The following PCDHA11 variants were observed in gnomAD, a reference collection of about 807,000 sequenced individuals.
PCDHA11 encodes the protein protocadherin alpha-11.
PCDHA11 carries 61 observed loss-of-function variants against 70.3 expected under a neutral mutation model. The observed-to-expected ratio is 0.87, with a 90% confidence interval of 0.71 to 1.07. PCDHA11 has a LOEUF of 1.07. PCDHA11 is among the 50% of genes least tolerant of loss of function. The pLI, the probability that PCDHA11 is intolerant of heterozygous loss-of-function variation, is 0.00. For synonymous variants in PCDHA11, 633 were observed against 555.1 expected, an observed-to-expected ratio of 1.14 and a Z score of -1.97; for missense variants, 1,324 against 1,237.5, an observed-to-expected ratio of 1.07 and a Z score of -1.05.
Position 140,871,436 on chromosome 5 carries a change from G to A in PCDHA11, c.2333G>A (p.Gly778Asp). 6.2e-7 allele frequency: 1 copy of A among 1,612,324 alleles called. No individual in the cohort carries two copies. The highest frequency in any genetic ancestry group is 2.2e-5 in the East Asian group (1 of 44,840). The change falls in exon 1 of 4, where the codon GGT becomes GAT. Residue 778 changes from glycine (G) to aspartate (D), a missense_variant. Transcript: ENST00000398640. Reference sequence around the variant, plus strand: ...GCCTTCAGCCCCAGTCTTCCTCTAGGTCTGAATAAAGAGGAGGAAGGGGAA... The same window carrying A: ...GCCTTCAGCCCCAGTCTTCCTCTAGATCTGAATAAAGAGGAGGAAGGGGAA... ...LMAFSPSLPLGLNKEEEGERQ... is the reference protein window; with the variant it reads ...LMAFSPSLPLDLNKEEEGERQ...
chr5:140,980,819 A>C (rs1178317133), intron 2 of PCDHA11, among the ~76,000 whole-genome samples: 1 of 152,216 alleles, frequency 6.6e-6, no homozygotes, highest in East Asian at 1.9e-4. Context: ...TGAACATATT[A>C]AATGAGTTGT....
intron 1 of PCDHA11, among the ~76,000 whole-genome samples, chr5:140,879,326 T>C (rs1554170752): frequency 6.6e-6 from 1 of 152,232 alleles, no homozygotes. Flanking sequence ...CTCACTTTTT[T>C]AGTTTGTTCA....
At chr5:140,896,572 T>C (rs1208639295) in intron 1 of PCDHA11, among the ~76,000 whole-genome samples, 5 of 152,002 alleles carry the variant, frequency 3.3e-5, no homozygotes, top group Admixed American at 3.3e-4. Context: ...AGATGGGGTT[T>C]TGACGTGTTG....
At chr5:140,954,692 C>T (rs1428031536) in intron 1 of PCDHA11, among the ~76,000 whole-genome samples, 10 of 151,966 alleles carry the variant, frequency 6.6e-5, no homozygotes, top group African/African-American at 2.4e-4. Flanking sequence ...GATGGATAGA[C>T]TACAAAATTT....
intron 1 of PCDHA11, chr5:140,877,691 T>G: frequency 6.2e-7 from 1 of 1,613,746 alleles, no homozygotes. Context: ...CCCACGCTGG[T>G]GTGCTCCAGC....
intron 1 of PCDHA11, among the ~76,000 whole-genome samples, chr5:140,970,970 T>C (rs1554232920): frequency 1.3e-5 from 2 of 152,170 alleles, no homozygotes; most frequent in African/African-American, 2.4e-5. Flanking sequence ...GATTGTAGAT[T>C]AAGAAAAATG....
In PCDHA11 at chr5:140,993,861, T is replaced by G. The variant is rs143253452; in HGVS notation, c.2539+11298T>G. 3.2e-4 allele frequency among the ~76,000 whole-genome samples: 49 copies of G among 152,356 alleles called. No homozygotes were observed. In the East Asian group the frequency reaches 9.4e-3, roughly 29 times the overall value. On this transcript the variant is annotated intron_variant, in intron 3 of 3. Transcript: ENST00000398640. ...TAGGTATGTAGTAGGCTATGCCATC[T>G]AGGTTTGTGTAAGTACGCTCTATGA... is the stretch of plus-strand genomic sequence containing the variant.
chr5:140,898,114 G>A (rs367767804), intron 1 of PCDHA11, among the ~76,000 whole-genome samples: 18 of 151,862 alleles, frequency 1.2e-4, no homozygotes, highest in Non-Finnish European at 2.4e-4. Context: ...AGTAGGTTGC[G>A]AAAATTTTCT....
At chr5:140,883,030 C>T (rs1554176556) in intron 1 of PCDHA11, 1 of 1,614,058 alleles carries the variant, frequency 6.2e-7, no homozygotes, top group Non-Finnish European at 8.5e-7. Context: ...TGTTAGAGAA[C>T]GCCTTCAATG....
intron 1 of PCDHA11, chr5:140,929,052 C>G (rs1379551578): frequency 6.2e-7 from 1 of 1,614,058 alleles, no homozygotes; most frequent in African/African-American, 1.3e-5. Context: ...GCTGCTGTCG[C>G]TCTACAGAGG....
At chr5:140,904,314 T>C (rs1554191432) in intron 1 of PCDHA11, among the ~76,000 whole-genome samples, 1 of 152,080 alleles carries the variant, frequency 6.6e-6, no homozygotes, top group Admixed American at 6.6e-5. Flanking sequence ...TTTCTTCACT[T>C]AGAATAATGG....
intron 1 of PCDHA11, chr5:140,929,724 TA>T (rs2086341478): frequency 4.6e-6 from 1 of 218,158 alleles, no homozygotes; most frequent in Admixed American, 5.9e-5. Flanking sequence ...GTGAAACATT[TA>T]CTTAAACTAT....
intron 1 of PCDHA11, among the ~76,000 whole-genome samples, chr5:140,956,002 C>T (rs2095246908): frequency 6.6e-6 from 1 of 152,124 alleles, no homozygotes; most frequent in Admixed American, 6.5e-5. Context: ...GATTTTGTAT[C>T]CTGAGACTTT....
intron 3 of PCDHA11, among the ~76,000 whole-genome samples, chr5:140,982,795 A>G (rs1011948194): frequency 3.3e-5 from 5 of 151,516 alleles, no homozygotes; most frequent in African/African-American, 1.2e-4. Context: ...GCATGTGTGC[A>G]TGTGTGTGTG....
At position 140,870,217 on chromosome 5, in the gene PCDHA11, A is replaced by G. The variant is rs911086777; in HGVS notation, c.1114A>G (p.Ser372Gly). The change falls in exon 1 of 4, where the codon AGC becomes GGC. Residue 372 changes from serine to glycine, a missense_variant. Ser to Gly is a moderately conservative substitution (Grantham distance 56). Coordinates refer to ENST00000398640, the MANE Select transcript of PCDHA11 (RefSeq NM_018902.5). Reference protein sequence around the residue: ...AQPSTVIALISVSDRDSGVNG... With the variant: ...AQPSTVIALIGVSDRDSGVNG... ...GCCCAGCACGGTCATTGCCCTGATC[A>G]GCGTGTCTGACCGTGACTCAGGTGT... The G allele has an allele frequency of 5.6e-6, 9 of 1,614,144 alleles. No individual in the cohort carries two copies. The highest frequency in any genetic ancestry group is 3.3e-5 in the Admixed American group (2 of 60,034).
intron 1 of PCDHA11, among the ~76,000 whole-genome samples, chr5:140,918,947 G>T (rs56003): frequency 0.32 from 48,109 of 152,058 alleles, 7,963 homozygotes; most frequent in East Asian, 0.53. Context: ...ATAATATCCT[G>T]AACAGACTAA....
chr5:140,876,792 A>C, intron 1 of PCDHA11: 1 of 1,614,116 alleles, frequency 6.2e-7, no homozygotes, highest in East Asian at 2.2e-5. Flanking sequence ...CCACGGCTAG[A>C]GTGTCCGTGG....
chr5:140,914,426 A>G (rs1554196349), intron 1 of PCDHA11, among the ~76,000 whole-genome samples: 1 of 152,140 alleles, frequency 6.6e-6, no homozygotes, highest in African/African-American at 2.4e-5. Context: ...TTAGCAAGGA[A>G]TATCTTTTCC....
At chr5:140,881,304 C>T (rs1011967816) in intron 1 of PCDHA11, 1 of 965,928 alleles carries the variant, frequency 1.0e-6, no homozygotes, top group South Asian at 4.8e-5. Flanking sequence ...AAACTTTAAC[C>T]TCCTGGTTAA....
Sources: allele counts gnomAD v4.1 joint callset (sites outside exome capture counted in the v4.1 genomes callset), GRCh38; gene constraint gnomAD v4.1.1; transcripts MANE v1.5; gene names NCBI Gene and HGNC (gene_info 2026-07-23, HGNC 2026-07-21).